PCBP3: variants seen among roughly 807,000 people sequenced by gnomAD.
PCBP3 encodes the protein poly(rC)-binding protein 3.
Under a neutral mutation model 52.7 loss-of-function variants are expected in PCBP3, and 25 were observed. That is an observed-to-expected ratio of 0.47 (90% confidence interval 0.35 to 0.66). PCBP3 has a LOEUF of 0.66. Among genes scored for constraint, PCBP3 ranks in the 30% least tolerant of loss-of-function variants. The pLI is 0.01. For missense variants in PCBP3, 391 were observed against 490.3 expected (o/e 0.80, Z 1.91); for synonymous variants, 162 against 183.0 (o/e 0.89, Z 0.93).
chr21:45,644,537 C>G (rs1439755652), intron 1 of PCBP3, among the ~76,000 whole-genome samples: 1 of 151,680 alleles, frequency 6.6e-6, no homozygotes, highest in African/African-American at 2.4e-5. Context: ...GTGATGTTTT[C>G]CAATTCCCTC....
intron 5 of PCBP3, among the ~76,000 whole-genome samples, chr21:45,878,293 G>C (rs2095316463): frequency 6.6e-6 from 1 of 152,244 alleles, no homozygotes. Flanking sequence ...CGGGGTGGGG[G>C]GGTCCTCCCG....
At chr21:45,766,976 A>G (rs2089398010) in intron 4 of PCBP3, among the ~76,000 whole-genome samples, 1 of 151,948 alleles carries the variant, frequency 6.6e-6, no homozygotes, top group African/African-American at 2.4e-5. Flanking sequence ...TCACACACAC[A>G]CTCACTCACT....
Position 45,741,101 on chromosome 21 carries a change from T to TAGG in PCBP3, c.-162+5674_-162+5676dup, listed in dbSNP as rs1316836747. On this transcript the variant is annotated intron_variant, in intron 3 of 17. Coordinates refer to ENST00000681687, the MANE Select transcript of PCBP3 (RefSeq NM_001384156.1). The surrounding 1 kb of genome is among the most constrained non-coding windows in gnomAD (Gnocchi z 4.5). ...ATTTGGCCCCAGAGCACTGGGAACC[T>TAGG]AGGAACAGACACAGGAGGGAGGGAA... is the stretch of plus-strand genomic sequence containing the variant. 6.6e-6 allele frequency among the ~76,000 whole-genome samples: 1 copy of TAGG among 152,022 alleles called. No homozygotes were observed. The highest frequency in any genetic ancestry group is 1.5e-5 in the Non-Finnish European group (1 of 68,004).
intron 4 of PCBP3, among the ~76,000 whole-genome samples, chr21:45,767,635 T>G (rs1204847107): frequency 6.6e-6 from 1 of 152,242 alleles, no homozygotes; most frequent in Non-Finnish European, 1.5e-5. Flanking sequence ...CTGTTTTGCC[T>G]TCTTGAGGTG....
At chr21:45,730,798 A>G (rs1642055259) in intron 2 of PCBP3, among the ~76,000 whole-genome samples, 1 of 152,144 alleles carries the variant, frequency 6.6e-6, no homozygotes, top group Non-Finnish European at 1.5e-5. Flanking sequence ...TTGTGGTAAT[A>G]TTATGTACCC....
rs2838988 is a variant in PCBP3 at position 45,736,128 on chromosome 21, G to T, written c.-162+699G>T. Among the ~76,000 whole-genome samples the T allele has an allele frequency of 0.19, 28,661 of 152,206 alleles. 2,895 individuals carry two copies. Among genetic ancestry groups the T allele is most frequent in the Middle Eastern group, 0.33 (97 of 294 alleles). ...TGCAGTTCTGCATGGAAAACTAATG[G>T]AGTCATGATGGCTGCTGATGCTGAT... is the stretch of plus-strand genomic sequence containing the variant. On this transcript the variant is annotated intron_variant, in intron 3 of 17. Transcript: ENST00000681687. The surrounding 1 kb of genome is among the most constrained non-coding windows in gnomAD (Gnocchi z 4.6).
intron 4 of PCBP3, among the ~76,000 whole-genome samples, chr21:45,824,163 G>A (rs78452540): frequency 0.012 from 1,878 of 152,282 alleles, 54 homozygotes; most frequent in African/African-American, 0.042. Flanking sequence ...GGCAGGGGAT[G>A]TGCTGAGCCC....
intron 3 of PCBP3, among the ~76,000 whole-genome samples, chr21:45,743,253 A>T (rs2086580753): frequency 6.6e-6 from 1 of 152,204 alleles, no homozygotes; most frequent in Non-Finnish European, 1.5e-5. Context: ...ATGTGGTCAC[A>T]TGTTAAAATG....
At chr21:45,777,196 T>A (rs770398038) in intron 4 of PCBP3, among the ~76,000 whole-genome samples, 4 of 152,166 alleles carry the variant, frequency 2.6e-5, no homozygotes, top group Non-Finnish European at 5.9e-5. Flanking sequence ...GATGGCAGGT[T>A]TTTTTGTTTT....
chr21:45,837,740 G>C lies in PCBP3; in HGVS notation c.-125-12221G>C, dbSNP rs763741518. Among the ~76,000 whole-genome samples, 1 of 152,196 alleles carries C rather than the reference G, an allele frequency of 6.6e-6. No individual in the cohort carries two copies. Among genetic ancestry groups the C allele is most frequent in the Admixed American group, 6.5e-5 (1 of 15,278 alleles). On this transcript the variant is annotated intron_variant, in intron 4 of 17. Coordinates refer to ENST00000681687, the MANE Select transcript of PCBP3 (RefSeq NM_001384156.1). The surrounding 1 kb of genome is among the most constrained non-coding windows in gnomAD (Gnocchi z 4.1). ...GCGAGCTTCCTAGGTGGCACTGCACGTTGCACCGCATGGCATGATGAGGCG... is the reference window on the plus strand; with the variant it reads ...GCGAGCTTCCTAGGTGGCACTGCACCTTGCACCGCATGGCATGATGAGGCG...
intron 17 of PCBP3, among the ~76,000 whole-genome samples, 179 bp from the exon 18 acceptor site, chr21:45,941,491 A>C (rs1371434185): frequency 6.6e-6 from 1 of 152,038 alleles, no homozygotes; most frequent in African/African-American, 2.4e-5. Context: ...CATGGCGGGG[A>C]CCAGGGCGGG....
At chr21:45,839,446 G>C (rs2147954852) in intron 4 of PCBP3, among the ~76,000 whole-genome samples, 1 of 152,224 alleles carries the variant, frequency 6.6e-6, no homozygotes, top group South Asian at 2.1e-4. Context: ...TTATTTCGTG[G>C]TTGGCCCAAC....
At chr21:45,646,794 C>T (rs1291218244) in intron 1 of PCBP3, among the ~76,000 whole-genome samples, 1 of 152,212 alleles carries the variant, frequency 6.6e-6, no homozygotes, top group Non-Finnish European at 1.5e-5. Context: ...AGGCATATAT[C>T]TATGTAGGGG....
chr21:45,887,890 C>A (rs911600283), intron 5 of PCBP3, among the ~76,000 whole-genome samples: 1 of 152,202 alleles, frequency 6.6e-6, no homozygotes, highest in African/African-American at 2.4e-5. Context: ...ATGTCTAGTA[C>A]CAGCCCACGG....
intron 1 of PCBP3, among the ~76,000 whole-genome samples, chr21:45,648,195 T>G (rs928306042): frequency 2.0e-5 from 3 of 152,232 alleles, no homozygotes; most frequent in African/African-American, 7.2e-5. Context: ...GTTTGTTGTA[T>G]TAAAACACTA....
chr21:45,790,798 T>C (rs2146363996), intron 4 of PCBP3, among the ~76,000 whole-genome samples: 1 of 152,066 alleles, frequency 6.6e-6, no homozygotes, highest in South Asian at 2.1e-4. Context: ...TCTTGAGCAG[T>C]TTTAGACTTG....
intron 4 of PCBP3, among the ~76,000 whole-genome samples, chr21:45,764,499 TGAGGG>T: frequency 6.6e-6 from 1 of 152,300 alleles, no homozygotes; most frequent in East Asian, 1.9e-4. Flanking sequence ...ACCCGCCAAG[TGAGGG>T]GTGCTGCATG....
In PCBP3 at chr21:45,696,365, T is replaced by G. The variant is rs576929509; in HGVS notation, c.-200+27413T>G. Among the ~76,000 whole-genome samples the G allele has an allele frequency of 3.9e-5, 6 of 152,282 alleles. No homozygotes were observed. The South Asian group carries it at 1.2e-3, about 32-fold the overall frequency. On this transcript the variant is annotated intron_variant, in intron 2 of 17. Coordinates refer to ENST00000681687, the MANE Select transcript of PCBP3 (RefSeq NM_001384156.1). ...CTTTATTAAAAATAAGAACTTTTGT[T>G]TATCAGAAGACCATTAAGTGAGAGA... is the stretch of plus-strand genomic sequence containing the variant.
rs34087732 is a variant in PCBP3 at position 45,821,066 on chromosome 21, G to A, written c.-125-28895G>A. Among the ~76,000 whole-genome samples, 2,085 of 152,328 alleles carry A rather than the reference G, an allele frequency of 0.014. 70 individuals carry two copies. Among genetic ancestry groups the A allele is most frequent in the African/African-American group, 0.047 (1,948 of 41,568 alleles). ...AGCACCCTTGTCTTGCAGAGCCAGCGAGCCTGGCGTTGTGACCTGGGCTAA... is the reference window on the plus strand; with the variant it reads ...AGCACCCTTGTCTTGCAGAGCCAGCAAGCCTGGCGTTGTGACCTGGGCTAA... On this transcript the variant is annotated intron_variant, in intron 4 of 17. Coordinates refer to ENST00000681687, the MANE Select transcript of PCBP3 (RefSeq NM_001384156.1). The surrounding 1 kb of genome is among the most constrained non-coding windows in gnomAD (Gnocchi z 4.4).
Sources: allele counts gnomAD v4.1 joint callset (sites outside exome capture counted in the v4.1 genomes callset), GRCh38; gene constraint gnomAD v4.1.1; non-coding constraint Gnocchi (gnomAD v3.1); transcripts MANE v1.5; gene names NCBI Gene and HGNC (gene_info 2026-07-23, HGNC 2026-07-21).